GRAMD1B: variants seen among roughly 807,000 people sequenced by gnomAD.
GRAMD1B encodes the protein protein Aster-B.
GRAMD1B carries 37 observed loss-of-function variants against 99.7 expected under a neutral mutation model. The observed-to-expected ratio is 0.37, with a 90% CI of 0.29 to 0.49. GRAMD1B has a LOEUF of 0.49. Among genes scored for constraint, GRAMD1B ranks in the 20% least tolerant of loss-of-function variants. The pLI is 0.98. For missense variants in GRAMD1B, 888 were observed against 1,009.2 expected (o/e 0.88, Z 1.63); for synonymous variants, 427 against 387.6 (o/e 1.10, Z -1.19).
At chr11:123,553,651 G>A (rs1042161623) in intron 2 of GRAMD1B, among the ~76,000 whole-genome samples, 7 of 152,182 alleles carry the variant, frequency 4.6e-5, no homozygotes, top group Non-Finnish European at 7.3e-5. Context: ...TTACAGCTGG[G>A]TCAGAGGCAA....
chr11:123,396,553 G>A (rs1947472333), intron 1 of GRAMD1B, among the ~76,000 whole-genome samples: 1 of 152,160 alleles, frequency 6.6e-6, no homozygotes, highest in Non-Finnish European at 1.5e-5. Context: ...TGGGATTACA[G>A]GCATGAGCCA....
rs545367897 is a variant in GRAMD1B, at chr11:123,437,817, AG to A, written c.374+6654del. 1.0e-3 allele frequency among the ~76,000 whole-genome samples: 153 copies of A among 152,260 alleles called. 1 individual carries two copies. The highest frequency in any genetic ancestry group is 3.5e-3 in the African/African-American group (147 of 41,552). On this transcript the variant is annotated intron_variant, in intron 1 of 19. Transcript: ENST00000635736. Reference sequence around the variant, plus strand: ...TTCATCTCCTTCCTCTGACCTTTGGAGGGAGACTTGTTTCGGGTTTCAGCTC... The same window carrying A: ...TTCATCTCCTTCCTCTGACCTTTGGAGGAGACTTGTTTCGGGTTTCAGCTC...
chr11:123,560,279 C>G, intron 2 of GRAMD1B: 1 of 1,133,412 alleles, frequency 8.8e-7, no homozygotes, highest in Non-Finnish European at 1.1e-6. Context: ...GAACAGCTGT[C>G]TGTGAGGGAG....
intron 2 of GRAMD1B, among the ~76,000 whole-genome samples, chr11:123,526,600 T>G (rs4258391): frequency 0.17 from 26,382 of 151,852 alleles, 2,391 homozygotes; most frequent in Admixed American, 0.19. Context: ...TGAGGGAGGG[T>G]GTGCGGGGGG....
intron 2 of GRAMD1B, among the ~76,000 whole-genome samples, chr11:123,501,073 C>T (rs1939802905): frequency 6.6e-6 from 1 of 152,192 alleles, no homozygotes; most frequent in Non-Finnish European, 1.5e-5. Context: ...TTATACTCAT[C>T]TTCTAGATGA....
At chr11:123,483,531 C>T (rs371671995) in intron 2 of GRAMD1B, among the ~76,000 whole-genome samples, 3 of 151,724 alleles carry the variant, frequency 2.0e-5, no homozygotes, top group Non-Finnish European at 2.9e-5. Flanking sequence ...GGACTATTGG[C>T]GCCTGCCACC....
chr11:123,589,614 T>TTTTTTATATATATATA (rs762751523), intron 4 of GRAMD1B, among the ~76,000 whole-genome samples: 2 of 128,278 alleles, frequency 1.6e-5, no homozygotes, highest in African/African-American at 7.0e-5. Context: ...TGGCTAATTT[T>TTTTTTATATATATATA]TATATATATA....
At chr11:123,484,237 C>T (rs1210750326) in intron 2 of GRAMD1B, among the ~76,000 whole-genome samples, 3 of 152,122 alleles carry the variant, frequency 2.0e-5, no homozygotes, top group Admixed American at 2.0e-4. Context: ...ATTGACAGTT[C>T]CTCAACTCAC....
chr11:123,384,964 C>T (rs1473828785), intron 1 of GRAMD1B, among the ~76,000 whole-genome samples: 1 of 152,230 alleles, frequency 6.6e-6, no homozygotes, highest in African/African-American at 2.4e-5. Context: ...CAAAAACACA[C>T]ATCCCACGGG....
intron 1 of GRAMD1B, among the ~76,000 whole-genome samples, chr11:123,468,102 T>C (rs1277880710): frequency 6.6e-6 from 1 of 152,108 alleles, no homozygotes; most frequent in Non-Finnish European, 1.5e-5. Flanking sequence ...GACCTCGTGA[T>C]CCACCCGCCT....
At position 123,591,040 on chromosome 11, in the gene GRAMD1B, G is replaced by A. The variant is rs558428906; in HGVS notation, c.685-3042G>A. On this transcript the variant is annotated intron_variant, in intron 4 of 19. Transcript: ENST00000635736. This position sits in a 1 kb window ranked among gnomAD's most constrained non-coding sequence, Gnocchi z 4.7. The stretch of plus-strand genomic sequence containing the variant: ...GCCATCTGCATCCTCTGGACCCTTG[G>A]GGTGACTGTCTGCACTGACCAGGTG... The A allele has an allele frequency of 5.9e-6, 1 of 169,358 alleles. No individual in the cohort carries two copies. Among genetic ancestry groups the A allele is most frequent in the Admixed American group, 6.4e-5 (1 of 15,748 alleles). The allele number at this position is 169,358 out of a possible 1,614,324, so 10.5% of individuals were successfully genotyped here. A position where few individuals can be genotyped will look rare whatever the true frequency, so the allele number is the denominator to read the frequency against.
chr11:123,604,550 G>A (rs1847326689), intron 9 of GRAMD1B, among the ~76,000 whole-genome samples: 1 of 152,192 alleles, frequency 6.6e-6, no homozygotes, highest in South Asian at 2.1e-4. Context: ...TCGTGCAAGA[G>A]GCATACAGGG....
chr11:123,491,874 A>G, intron 2 of GRAMD1B: 1 of 399,158 alleles, frequency 2.5e-6, no homozygotes. Context: ...ACAGCCAGAG[A>G]CCGTCTCTTG....
chr11:123,615,266 G>A (rs143071095), intron 17 of GRAMD1B, among the ~76,000 whole-genome samples: 12 of 152,360 alleles, frequency 7.9e-5, no homozygotes, highest in Admixed American at 5.9e-4. Flanking sequence ...GAGCCCACAC[G>A]TTGGCAGGGT....
At chr11:123,593,338 A>G (rs747255278) in intron 4 of GRAMD1B, among the ~76,000 whole-genome samples, 3 of 152,184 alleles carry the variant, frequency 2.0e-5, no homozygotes, top group Non-Finnish European at 4.4e-5. Flanking sequence ...GGATTTGCTA[A>G]GGCAGTTTCT....
At chr11:123,557,446 T>G (rs1044816596) in intron 2 of GRAMD1B, among the ~76,000 whole-genome samples, 11 of 152,256 alleles carry the variant, frequency 7.2e-5, no homozygotes, top group Admixed American at 6.5e-4. Context: ...ATCTTTCTTG[T>G]ATCCAAACTC....
intron 2 of GRAMD1B, among the ~76,000 whole-genome samples, chr11:123,482,260 C>T (rs941703862): frequency 6.6e-6 from 1 of 151,802 alleles, no homozygotes; most frequent in Non-Finnish European, 1.5e-5. Context: ...TACCATGCCC[C>T]GCTAATTTTT....
At chr11:123,392,636 A>G (rs1024548481) in intron 1 of GRAMD1B, among the ~76,000 whole-genome samples, 16 of 152,138 alleles carry the variant, frequency 1.1e-4, no homozygotes, top group Non-Finnish European at 2.1e-4. Context: ...ATCATTCTAT[A>G]AAGTCTGTGT....
At position 123,505,199 on chromosome 11, in the gene GRAMD1B, T is replaced by A. The variant is rs905126073; in HGVS notation, c.452+24306T>A. On this transcript the variant is annotated intron_variant, in intron 2 of 19. Transcript: ENST00000635736. ...CTTTCAATGTCTTTAAAAAATATAT[T>A]AATTTTTTTTTAAGAGATGGGAGTC... is the stretch of plus-strand genomic sequence containing the variant. Among the ~76,000 whole-genome samples the A allele has an allele frequency of 3.2e-4, 4 of 12,658 alleles. No individual in the cohort carries two copies. In the East Asian group the frequency reaches 0.011, roughly 33 times the overall value. The allele number at this position is 12,658 out of a possible 152,430, so 8.3% of individuals were successfully genotyped here. A position where few individuals can be genotyped will look rare whatever the true frequency, so the allele number is the denominator to read the frequency against.
Sources: allele counts gnomAD v4.1 joint callset (sites outside exome capture counted in the v4.1 genomes callset), GRCh38; gene constraint gnomAD v4.1.1; non-coding constraint Gnocchi (gnomAD v3.1); transcripts MANE v1.5; gene names NCBI Gene and HGNC (gene_info 2026-07-23, HGNC 2026-07-21).